Variants in S1PR1 observed in about 807,000 individuals in gnomAD.
S1PR1 encodes the protein sphingosine-1-phosphate receptor 1, also known as sphingosine 1-phosphate receptor 1.
Under a neutral mutation model 18.3 loss-of-function variants are expected in S1PR1, and 2 were observed. The ratio of observed to expected loss-of-function variants is 0.11; its 90% confidence interval spans 0.04 to 0.34. The LOEUF (loss-of-function observed/expected upper bound fraction) is 0.34. Among genes scored for constraint, S1PR1 ranks in the 10% least tolerant of loss-of-function variants. S1PR1 has a pLI of 1.00. For missense variants in S1PR1, 335 were observed against 493.8 expected, an observed-to-expected ratio of 0.68 and a Z score of 3.05; for synonymous variants, 222 against 211.2, an observed-to-expected ratio of 1.05 and a Z score of -0.44.
At position 101,239,593 on chromosome 1, in the gene S1PR1, C is replaced by T. The variant is rs755998974; in HGVS notation, c.609C>T (p.Ile203=). The stretch of plus-strand genomic sequence containing the variant: ...TGCCGCTCTACCACAAGCACTATAT[C>T]CTCTTCTGCACCACGGTCTTCACTC... ...TVLPLYHKHY[I]LFCTTVFTLL... The change falls in exon 2 of 2, where the codon ATC becomes ATT. Residue 203 remains isoleucine, a synonymous_variant. Coordinates refer to ENST00000305352, the MANE Select transcript of S1PR1 (RefSeq NM_001400.5). This position sits in a 1 kb window ranked among gnomAD's most constrained non-coding sequence, Gnocchi z 6.3. The T allele has an allele frequency of 1.4e-5, 22 of 1,613,968 alleles. No individual in the cohort carries two copies. The highest frequency in any genetic ancestry group is 1.0e-5 in the Non-Finnish European group (12 of 1,180,036).
chr1:101,241,540 T>G (rs1432299705), downstream of S1PR1: 2 of 166,780 alleles, frequency 1.2e-5, no homozygotes, highest in African/African-American at 2.4e-5. Context: ...AGAGCATTCT[T>G]AAAAATAATT....
chr1:101,239,545 G>A lies in S1PR1; in HGVS notation c.561G>A (p.Ala187=), dbSNP rs199886272. Residue 187 remains alanine, a synonymous_variant, in exon 2 of 2, where the codon GCG becomes GCA. Transcript: ENST00000305352. The surrounding 1 kb of genome is among the most constrained non-coding windows in gnomAD (Gnocchi z 6.3). ...LPIMGWNCIS[A]LSSCSTVLPL... is the part of the protein sequence containing the mutation. ...TCATGGGCTGGAACTGCATCAGTGC[G>A]CTGTCCAGCTGCTCCACCGTGCTGC... 2.5e-6 allele frequency: 4 copies of A among 1,613,748 alleles called. No homozygotes were observed. The highest frequency in any genetic ancestry group is 1.7e-5 in the Admixed American group (1 of 59,990).
At position 101,240,451 on chromosome 1, in the gene S1PR1, T is replaced by C. The variant is rs1329414993; in HGVS notation, c.*318T>C. ...CCTAAAGGGTTCATTTGGCCCCTCC[T>C]CAAAGACTAATGTCCCCATGTGAAA... On this transcript the variant is annotated 3_prime_UTR_variant, in exon 2 of 2. Coordinates refer to ENST00000305352, the MANE Select transcript of S1PR1 (RefSeq NM_001400.5). The C allele has an allele frequency of 5.4e-6, 2 of 372,692 alleles. No homozygotes were observed. Among genetic ancestry groups the C allele is most frequent in the Non-Finnish European group, 1.0e-5 (2 of 195,524 alleles). The allele number at this position is 372,692 out of a possible 1,614,324, so 23.1% of individuals were successfully genotyped here. A position where few individuals can be genotyped will look rare whatever the true frequency, so the allele number is the denominator to read the frequency against.
Position 101,239,580 on chromosome 1 carries a change from A to G in S1PR1, c.596A>G (p.His199Arg), listed in dbSNP as rs2100881259. The change falls in exon 2 of 2, where the codon CAC (histidine) becomes CGC (arginine). Residue 199 changes from histidine (H) to arginine (R), a missense_variant. Around this residue, in one of 3 missense-constraint regions of S1PR1, gnomAD observed 214 missense variants for 366.6 expected, o/e 0.58. Coordinates refer to ENST00000305352, the MANE Select transcript of S1PR1 (RefSeq NM_001400.5). This position sits in a 1 kb window ranked among gnomAD's most constrained non-coding sequence, Gnocchi z 6.3. ...SSCSTVLPLYHKHYILFCTTV... is the reference protein window; with the variant it reads ...SSCSTVLPLYRKHYILFCTTV... ...TGCTCCACCGTGCTGCCGCTCTACC[A>G]CAAGCACTATATCCTCTTCTGCACC... 6.2e-7 allele frequency: 1 copy of G among 1,613,978 alleles called. No individual in the cohort carries two copies. The highest frequency in any genetic ancestry group is 8.5e-7 in the Non-Finnish European group (1 of 1,180,010).
Position 101,238,905 on chromosome 1 carries a change from T to C in S1PR1, c.-80T>C. 1.4e-6 allele frequency: 2 copies of C among 1,400,560 alleles called. No homozygotes were observed. The highest frequency in any genetic ancestry group is 2.4e-5 in the East Asian group (1 of 41,428). The allele number at this position is 1,400,560 out of a possible 1,614,324, so 86.8% of individuals were successfully genotyped here. On this transcript the variant is annotated 5_prime_UTR_variant, in exon 2 of 2. Coordinates refer to ENST00000305352, the MANE Select transcript of S1PR1 (RefSeq NM_001400.5). ...CTCATCGAACCACCCCTGAAGCCAG[T>C]GAAGGCTCTCTCGCCTCGCCCTCTA...
intron 1 of S1PR1, among the ~76,000 whole-genome samples, chr1:101,237,806 T>C (rs1244565636): frequency 6.6e-6 from 1 of 152,130 alleles, no homozygotes; most frequent in Non-Finnish European, 1.5e-5. Context: ...AAATTAGAAA[T>C]GTGGTAGCAT....
downstream of S1PR1, among the ~76,000 whole-genome samples, chr1:101,241,936 A>G (rs1408405653): frequency 6.6e-6 from 1 of 152,154 alleles, no homozygotes; most frequent in Non-Finnish European, 1.5e-5. Context: ...CCATCAAAAA[A>G]GCATACATTC....
chr1:101,239,311 C>A lies in S1PR1; in HGVS notation c.327C>A (p.Thr109=). Residue 109 remains threonine, a synonymous_variant, in exon 2 of 2, where the codon ACC becomes ACA. Transcript: ENST00000305352. This position sits in a 1 kb window ranked among gnomAD's most constrained non-coding sequence, Gnocchi z 6.3. The stretch of plus-strand genomic sequence containing the variant: ...ACCTGCTCTTGTCTGGGGCCACCAC[C>A]TACAAGCTCACTCCCGCCCAGTGGT... ...TANLLLSGAT[T]YKLTPAQWFL... is the part of the protein sequence containing the mutation. 3.7e-6 allele frequency: 6 copies of A among 1,614,210 alleles called. No homozygotes were observed. Among genetic ancestry groups the A allele is most frequent in the Non-Finnish European group, 5.1e-6 (6 of 1,180,030 alleles).
intron 1 of S1PR1, among the ~76,000 whole-genome samples, 166 bp downstream of exon 1, chr1:101,237,265 C>G (rs1652716536): frequency 6.6e-6 from 1 of 152,182 alleles, no homozygotes; most frequent in Non-Finnish European, 1.5e-5. Context: ...AGGAGCCCAT[C>G]TCGATCAGAT....
chr1:101,238,520 TTCA>T (rs1652781358), intron 1 of S1PR1, among the ~76,000 whole-genome samples: 1 of 148,870 alleles, frequency 6.7e-6, no homozygotes, highest in East Asian at 2.0e-4. Flanking sequence ...TGTTTTCCTT[TTCA>T]TCATCTTTTT....
At chr1:101,238,786 G>A in intron 1 of S1PR1, 36 bp from the exon 2 acceptor site, 1 of 596,578 alleles carries the variant, frequency 1.7e-6, no homozygotes, top group Admixed American at 3.0e-5. Flanking sequence ...GTATGCTGTG[G>A]CTCTTTCCCT....
rs139210130 is a variant in S1PR1, at chr1:101,239,350, G to T, written c.366G>T (p.Gly122=). 1.1e-5 allele frequency: 17 copies of T among 1,614,210 alleles called. No individual in the cohort carries two copies. In the African/African-American group the frequency reaches 1.9e-4, roughly 18 times the overall value. The change falls in exon 2 of 2, where the codon GGG becomes GGT. Residue 122 remains glycine (G), a synonymous_variant. Coordinates refer to ENST00000305352, the MANE Select transcript of S1PR1 (RefSeq NM_001400.5). This position sits in a 1 kb window ranked among gnomAD's most constrained non-coding sequence, Gnocchi z 6.3. ...LTPAQWFLRE[G]SMFVALSASV... The stretch of plus-strand genomic sequence containing the variant: ...CCGCCCAGTGGTTTCTGCGGGAAGG[G>T]AGTATGTTTGTGGCCCTGTCAGCCT...
At chr1:101,238,005 GT>G (rs1384288508) in intron 1 of S1PR1, 3 of 140,556 alleles carry the variant, frequency 2.1e-5, no homozygotes, top group Non-Finnish European at 4.7e-5. Flanking sequence ...GGGGGGTGGG[GT>G]GGGGGGGCGC....
In S1PR1 at chr1:101,241,394, A is replaced by G. The variant is rs987265211; in HGVS notation, c.*1261A>G. ...TCTCTTTAGTATGGTTTTCAGTGCA[A>G]TTAAACCGAGAGATGTCTTGTTTTT... is the stretch of plus-strand genomic sequence containing the variant. On this transcript the variant is annotated 3_prime_UTR_variant, in exon 2 of 2. Transcript: ENST00000305352. The G allele has an allele frequency of 6.0e-6, 1 of 167,046 alleles. No homozygotes were observed. Among genetic ancestry groups the G allele is most frequent in the African/African-American group, 2.4e-5 (1 of 41,256 alleles). 10.3% of individuals were successfully genotyped at this position (167,046 alleles called of 1,614,324 possible).
At position 101,239,933 on chromosome 1, in the gene S1PR1, G is replaced by C; in HGVS notation, c.949G>C (p.Glu317Gln). 6.2e-7 allele frequency: 1 copy of C among 1,614,074 alleles called. No homozygotes were observed. The highest frequency in any genetic ancestry group is 8.5e-7 in the Non-Finnish European group (1 of 1,180,038). Residue 317 changes from glutamate to glutamine, a missense_variant, in exon 2 of 2, where the codon GAG becomes CAG. Transcript: ENST00000305352. The surrounding 1 kb of genome is among the most constrained non-coding windows in gnomAD (Gnocchi z 6.3). ...CATCATTTACACTCTGACCAACAAG[G>C]AGATGCGTCGGGCCTTCATCCGGAT... Reference protein sequence around the residue: ...NPIIYTLTNKEMRRAFIRIMS... With the variant: ...NPIIYTLTNKQMRRAFIRIMS...
chr1:101,240,119 A>G lies in S1PR1; in HGVS notation c.1135A>G (p.Asn379Asp). The G allele has an allele frequency of 6.2e-7, 1 of 1,613,048 alleles. No homozygotes were observed. The highest frequency in any genetic ancestry group is 1.1e-5 in the South Asian group (1 of 91,078). The change falls in exon 2 of 2, where the codon AAC (asparagine) becomes GAC (aspartate). Residue 379 changes from asparagine (N) to aspartate (D), a missense_variant. This residue lies in a region of S1PR1 where 90 missense variants were observed against 97.6 expected (regional missense o/e 0.92). Coordinates refer to ENST00000305352, the MANE Select transcript of S1PR1 (RefSeq NM_001400.5). ...GACCATTATGTCTTCTGGAAACGTCAACTCTTCTTCCTAGAACTGGAAGCT... is the reference window on the plus strand; with the variant it reads ...GACCATTATGTCTTCTGGAAACGTCGACTCTTCTTCCTAGAACTGGAAGCT... ...PETIMSSGNV[N>D]SSS
downstream of S1PR1, among the ~76,000 whole-genome samples, chr1:101,242,115 T>C (rs1260357146): frequency 6.6e-6 from 1 of 152,036 alleles, no homozygotes; most frequent in Non-Finnish European, 1.5e-5. Flanking sequence ...AAATGTGGGC[T>C]GAGTAGCATA....
downstream of S1PR1, among the ~76,000 whole-genome samples, chr1:101,242,012 T>G (rs914813719): frequency 2.0e-5 from 3 of 149,542 alleles, no homozygotes; most frequent in African/African-American, 4.9e-5. Flanking sequence ...ATGTGTTTTT[T>G]TTTTTTTTTT....
chr1:101,238,649 A>G (rs1652785555), intron 1 of S1PR1, among the ~76,000 whole-genome samples, 173 bp from the exon 2 acceptor site: 1 of 142,632 alleles, frequency 7.0e-6, no homozygotes, highest in African/African-American at 2.7e-5. Flanking sequence ...AAAAGAAAAA[A>G]AAGGAAGAAA....
Sources: gnomAD v4.1 joint callset for allele counts (sites outside exome capture counted in the v4.1 genomes callset) on GRCh38, gnomAD v4.1.1 for gene constraint, gnomAD v4.1.1 regional missense constraint, Gnocchi (gnomAD v3.1) non-coding constraint, MANE v1.5 for transcripts, NCBI Gene and HGNC (gene_info 2026-07-23, HGNC 2026-07-21) for gene names.